The following SLC9A9 variants were observed in gnomAD, a reference collection of about 807,000 sequenced individuals.
SLC9A9 encodes the protein solute carrier family 9 member A9.
In SLC9A9, 62 loss-of-function variants were observed where a neutral mutation model predicts 77.8. The ratio of observed to expected loss-of-function variants is 0.80; its 90% CI spans 0.65 to 0.98. SLC9A9 has a LOEUF of 0.98. Among genes scored for constraint, SLC9A9 ranks in the 50% least tolerant of loss-of-function variants. The pLI, the probability that SLC9A9 is intolerant of heterozygous loss-of-function variation, is 0.00. For missense variants in SLC9A9, 775 were observed against 774.9 expected, an observed-to-expected ratio of 1.00 and a Z score of 0.00; for synonymous variants, 320 against 283.5, an observed-to-expected ratio of 1.13 and a Z score of -1.29.
At chr3:143,552,299 A>G (rs1461182544) in intron 9 of SLC9A9, 63 bp downstream of exon 9, 4 of 1,208,848 alleles carry the variant, frequency 3.3e-6, no homozygotes, top group Non-Finnish European at 4.8e-6. Flanking sequence ...ATACTGCCAG[A>G]ATTGCTACAT....
intron 12 of SLC9A9, among the ~76,000 whole-genome samples, chr3:143,402,054 C>T (rs1336615901): frequency 6.6e-6 from 1 of 152,090 alleles, no homozygotes; most frequent in African/African-American, 2.4e-5. Context: ...AAACACCAGT[C>T]TCAGAACTGT....
intron 14 of SLC9A9, among the ~76,000 whole-genome samples, chr3:143,279,352 C>T (rs887954461): frequency 6.6e-6 from 1 of 152,160 alleles, no homozygotes; most frequent in Non-Finnish European, 1.5e-5. Flanking sequence ...ATAGGAATGA[C>T]CCATGTTTCC....
chr3:143,284,917 A>G (rs575592073), intron 14 of SLC9A9, among the ~76,000 whole-genome samples: 1 of 152,264 alleles, frequency 6.6e-6, no homozygotes, highest in East Asian at 1.9e-4. Flanking sequence ...ACAGCTCTAT[A>G]TGAAGTTTCA....
chr3:143,803,567 G>C (rs1319501349), intron 2 of SLC9A9, among the ~76,000 whole-genome samples: 1 of 152,154 alleles, frequency 6.6e-6, no homozygotes, highest in African/African-American at 2.4e-5. Context: ...AGAGTGGATA[G>C]AGGATCTTTG....
intron 14 of SLC9A9, among the ~76,000 whole-genome samples, chr3:143,275,890 A>G (rs942820452): frequency 2.6e-5 from 4 of 152,152 alleles, no homozygotes; most frequent in African/African-American, 9.7e-5. Context: ...CGTGAAATTC[A>G]TTTTCCTAAG....
intron 6 of SLC9A9, among the ~76,000 whole-genome samples, chr3:143,615,742 C>A (rs1165609623): frequency 6.6e-6 from 1 of 152,030 alleles, no homozygotes; most frequent in Non-Finnish European, 1.5e-5. Flanking sequence ...AAAACAACTG[C>A]AGGAGGTATA....
intron 12 of SLC9A9, among the ~76,000 whole-genome samples, chr3:143,388,608 T>A (rs2033482582): frequency 6.6e-6 from 1 of 152,224 alleles, no homozygotes; most frequent in Non-Finnish European, 1.5e-5. Flanking sequence ...GAAATATTAG[T>A]TGATGCTCTC....
chr3:143,718,940 T>G (rs577389030), intron 4 of SLC9A9, among the ~76,000 whole-genome samples: 48 of 152,314 alleles, frequency 3.2e-4, no homozygotes, highest in African/African-American at 1.1e-3. Context: ...AGCCCCTCAG[T>G]TGTCAGTCTC....
chr3:143,626,266 G>A (rs2038324843), intron 6 of SLC9A9, among the ~76,000 whole-genome samples: 1 of 152,184 alleles, frequency 6.6e-6, no homozygotes, highest in South Asian at 2.1e-4. Context: ...CCATTACTGG[G>A]TATACACCCA....
intron 4 of SLC9A9, among the ~76,000 whole-genome samples, chr3:143,776,813 C>G (rs2007706783): frequency 1.3e-5 from 2 of 152,142 alleles, no homozygotes; most frequent in African/African-American, 4.8e-5. Context: ...ATGTATTTCA[C>G]ATATAATCAT....
Position 143,493,798 on chromosome 3 carries a change from T to C in SLC9A9, c.1204-34A>G, listed in dbSNP as rs181699849. ...AAGCACAGGGAAACATTGAGGAAAG[T>C]GTTGCTGCAATGATGGTTTGAATCC... On this transcript the variant is annotated intron_variant, in intron 10 of 15. Transcript: ENST00000316549. 46 of 1,467,848 alleles carry C rather than the reference T, an allele frequency of 3.1e-5. No homozygotes were observed. The Admixed American group carries it at 7.4e-4, about 23-fold the overall frequency. The allele number at this position is 1,467,848 out of a possible 1,614,324, so 90.9% of individuals were successfully genotyped here.
Position 143,704,765 on chromosome 3 carries a change from G to A in SLC9A9, c.534-11458C>T, listed in dbSNP as rs1006703152. 4.3e-4 allele frequency among the ~76,000 whole-genome samples: 65 copies of A among 152,016 alleles called. 1 individual carries two copies. Among genetic ancestry groups the A allele is most frequent in the African/African-American group, 1.4e-3 (59 of 41,368 alleles). ...CCCAGCACTTTGGGAGGCCAAGGTG[G>A]GCAGATCACCTGAGGTTAGGGGTTC... On this transcript the variant is annotated intron_variant, in intron 4 of 15. Transcript: ENST00000316549.
chr3:143,439,841 T>C (rs2034695504), intron 12 of SLC9A9, among the ~76,000 whole-genome samples: 3 of 152,030 alleles, frequency 2.0e-5, no homozygotes. Flanking sequence ...TGTGTGGCCA[T>C]GAGGATAAAG....
At chr3:143,492,237 A>C (rs2035760342) in intron 11 of SLC9A9, among the ~76,000 whole-genome samples, 1 of 149,772 alleles carries the variant, frequency 6.7e-6, no homozygotes, top group Non-Finnish European at 1.5e-5. Flanking sequence ...GCTTGCAGTG[A>C]GCCGAGATCA....
At chr3:143,566,947 C>G (rs1030639218) in intron 8 of SLC9A9, among the ~76,000 whole-genome samples, 1 of 152,144 alleles carries the variant, frequency 6.6e-6, no homozygotes, top group South Asian at 2.1e-4. Context: ...AACTGGAAAG[C>G]AGCTTCTATG....
chr3:143,384,413 C>T (rs968216795), intron 12 of SLC9A9, among the ~76,000 whole-genome samples: 3 of 152,144 alleles, frequency 2.0e-5, no homozygotes, highest in Admixed American at 6.5e-5. Flanking sequence ...CCAGGTTGGC[C>T]GTGAACTGAA....
intron 12 of SLC9A9, among the ~76,000 whole-genome samples, chr3:143,392,655 C>T (rs907204877): frequency 4.2e-4 from 64 of 152,122 alleles, no homozygotes; most frequent in African/African-American, 1.5e-3. Flanking sequence ...CATAGACTGG[C>T]AAATTGGATA....
chr3:143,411,680 T>A (rs2108519983), intron 12 of SLC9A9, among the ~76,000 whole-genome samples: 1 of 152,338 alleles, frequency 6.6e-6, no homozygotes, highest in Non-Finnish European at 1.5e-5. Context: ...GTCTTCTCTC[T>A]TTCCATTAGT....
intron 5 of SLC9A9, among the ~76,000 whole-genome samples, chr3:143,673,243 A>G (rs908638907): frequency 2.0e-5 from 3 of 152,162 alleles, no homozygotes; most frequent in African/African-American, 7.2e-5. Flanking sequence ...GGGGACAGTA[A>G]TCATCATTTT....
Sources: gnomAD v4.1 joint callset for allele counts (sites outside exome capture counted in the v4.1 genomes callset) on GRCh38, gnomAD v4.1.1 for gene constraint, MANE v1.5 for transcripts, NCBI Gene and HGNC (gene_info 2026-07-23, HGNC 2026-07-21) for gene names.